LTBP4: variants seen among roughly 807,000 people sequenced by gnomAD.
LTBP4 encodes latent transforming growth factor beta binding protein 4.
LTBP4 carries 93 observed loss-of-function variants against 180.2 expected under a neutral mutation model. That is an observed-to-expected ratio of 0.52 (90% CI 0.44 to 0.61). The LOEUF (loss-of-function observed/expected upper bound fraction) is 0.61, where lower values mean the gene tolerates loss of function less well. Ranked by LOEUF, LTBP4 falls within the 20% of genes least tolerant of loss-of-function variation. The pLI is 0.00. For missense variants in LTBP4, 2,116 were observed against 2,256.5 expected (o/e 0.94, Z 1.26); for synonymous variants, 947 against 934.5 (o/e 1.01, Z -0.24).
At chr19:40,617,428 G>C (rs2081558215) in intron 21 of LTBP4, among the ~76,000 whole-genome samples, 1 of 152,198 alleles carries the variant, frequency 6.6e-6, no homozygotes. Flanking sequence ...CAGATCACTT[G>C]AAGTCAGGAG....
intron 24 of LTBP4, 34 bp from the exon 25 acceptor site, chr19:40,623,570 C>T: frequency 6.3e-7 from 1 of 1,599,560 alleles, no homozygotes. Flanking sequence ...ACCCATCCAG[C>T]CCGCCCCCAT....
upstream of LTBP4, chr19:40,597,348 C>T: frequency 6.6e-7 from 1 of 1,523,690 alleles, no homozygotes; most frequent in African/African-American, 1.4e-5. Context: ...GCCAGGTCGT[C>T]GAGGTCCCGG....
upstream of LTBP4, chr19:40,599,064 G>A: frequency 1.2e-6 from 1 of 818,358 alleles, no homozygotes; most frequent in Non-Finnish European, 2.1e-6. Flanking sequence ...GGCGTGGGGA[G>A]AAGAACCTCG....
intron 24 of LTBP4, among the ~76,000 whole-genome samples, chr19:40,623,322 G>A (rs1477740139): frequency 6.6e-6 from 1 of 152,040 alleles, no homozygotes; most frequent in Non-Finnish European, 1.5e-5. Context: ...ACAGACACTA[G>A]CCACTACGCC....
chr19:40,621,543 T>C (rs992460434), intron 22 of LTBP4, among the ~76,000 whole-genome samples: 3 of 152,006 alleles, frequency 2.0e-5, no homozygotes, highest in African/African-American at 7.2e-5. Context: ...CTGGCCGCCA[T>C]GTGAAGGTGA....
At position 40,623,697 on chromosome 19, in the gene LTBP4, GCTA is replaced by G; in HGVS notation, c.3658_3660del (p.Tyr1220del). 1.2e-6 allele frequency: 2 copies of G among 1,613,916 alleles called. No homozygotes were observed. The highest frequency in any genetic ancestry group is 1.3e-5 in the African/African-American group (1 of 75,024). On this transcript the variant is annotated inframe_deletion, in exon 25 of 30. Coordinates refer to ENST00000396819, the MANE Select transcript of LTBP4 (RefSeq NM_001042545.2). ...GGCTACTCATGCTATTGCAGCAACG[GCTA>G]CTACTACCACACACAGCGGCTGGAG...
chr19:40,625,288 A>ATT (rs1568414458), intron 26 of LTBP4, among the ~76,000 whole-genome samples: 3 of 6,262 alleles, frequency 4.8e-4, no homozygotes, highest in African/African-American at 2.4e-3. Context: ...ATATATATAT[A>ATT]TATATATATA....
chr19:40,593,499 C>T (rs1367622462), intron 1 of LTBP4, among the ~76,000 whole-genome samples: 1 of 152,090 alleles, frequency 6.6e-6, no homozygotes, highest in Non-Finnish European at 1.5e-5. Flanking sequence ...CTGCCTTAGC[C>T]TCCCAAAGTG....
chr19:40,628,581 C>A (rs2081654437), intron 29 of LTBP4, among the ~76,000 whole-genome samples: 2 of 152,180 alleles, frequency 1.3e-5, no homozygotes, highest in Admixed American at 6.5e-5. Flanking sequence ...TGCTGTGTGA[C>A]GCTGGACAGG....
At chr19:40,614,487 C>T (rs748956210) in intron 19 of LTBP4, 41 bp downstream of exon 19, 1 of 1,582,692 alleles carries the variant, frequency 6.3e-7, no homozygotes, top group Admixed American at 1.7e-5. Flanking sequence ...GCTTGCAACG[C>T]GGTGCTGGAG....
In LTBP4 at chr19:40,617,204, C is replaced by T. The variant is rs372889517; in HGVS notation, c.3049C>T (p.Arg1017Trp). ...CTGTGACCAGGGTTACGAGGGGGCA[C>T]GGGATGGGCGTCACTGCGTGGGTAC... ...CLCDQGYEGARDGRHCVDVNE... is the reference protein window; with the variant it reads ...CLCDQGYEGAWDGRHCVDVNE... Residue 1017 changes from arginine to tryptophan, a missense_variant, in exon 21 of 30, where the codon CGG (arginine) becomes TGG (tryptophan). Physicochemically the swap from Arg to Trp is moderately radical, Grantham distance 101 (BLOSUM62 -3). Transcript: ENST00000396819. The T allele has an allele frequency of 4.2e-5, 67 of 1,612,284 alleles. 1 individual carries two copies. The highest frequency in any genetic ancestry group is 1.6e-4 in the Middle Eastern group (1 of 6,062).
chr19:40,608,650 C>T (rs1290384168), intron 9 of LTBP4, 47 bp downstream of exon 9: 17 of 1,544,592 alleles, frequency 1.1e-5, no homozygotes, highest in African/African-American at 8.2e-5. Flanking sequence ...CAGTGGCTCA[C>T]GCCTGTAATC....
chr19:40,613,491 CT>C lies in LTBP4; in HGVS notation c.2520del (p.Gly841AlafsTer185). 6.3e-7 allele frequency: 1 copy of C among 1,585,524 alleles called. No individual in the cohort carries two copies. Reference sequence around the variant, plus strand: ...GGCTCCTTTGCCTGTACTTGTGCCCCTGGCTACCGACCCGGACCCCGCGGAG... The same window carrying C: ...GGCTCCTTTGCCTGTACTTGTGCCCCGGCTACCGACCCGGACCCCGCGGAG... ...TDGSFACTCAPGYRPGPRGAS... is the reference protein window; with the variant it reads ...TDGSFACTCAXGYRPGPRGAS... On this transcript the variant is annotated frameshift_variant, in exon 17 of 30. Transcript: ENST00000396819. LOFTEE classifies it high-confidence loss of function. The surrounding 1 kb of genome is among the most constrained non-coding windows in gnomAD (Gnocchi z 5.0).
intron 1 of LTBP4, among the ~76,000 whole-genome samples, chr19:40,604,045 C>G (rs537478923): frequency 6.6e-6 from 1 of 152,356 alleles, no homozygotes; most frequent in African/African-American, 2.4e-5. Flanking sequence ...AGCTAGAACT[C>G]TAAAGCCCCA....
At chr19:40,597,231 C>A, upstream of LTBP4, 1 of 1,488,142 alleles carries the variant, frequency 6.7e-7, no homozygotes, top group Non-Finnish European at 8.9e-7. Context: ...CGGCGCCCGA[C>A]ACGATGCCGA....
upstream of LTBP4, chr19:40,599,170 G>A (rs775697323): frequency 2.0e-5 from 32 of 1,587,816 alleles, no homozygotes; most frequent in Non-Finnish European, 2.7e-5. Flanking sequence ...CTAGGGGCCT[G>A]AGTGACTTCC....
In LTBP4 at chr19:40,613,763, C is replaced by A. The variant is rs1267423745; in HGVS notation, c.2558-153C>A. The A allele has an allele frequency of 7.6e-7, 1 of 1,308,040 alleles. No individual in the cohort carries two copies. The highest frequency in any genetic ancestry group is 2.5e-5 in the East Asian group (1 of 40,044). The allele number at this position is 1,308,040 out of a possible 1,614,324, so 81.0% of individuals were successfully genotyped here. A position where few individuals can be genotyped will look rare whatever the true frequency, so the allele number is the denominator to read the frequency against. ...TGTAAAGAAGCTGTTCTAAACCCGT[C>A]GGGGGGCGGTGTTTGCAGGGAGGGA... On this transcript the variant is annotated intron_variant, in intron 17 of 29. Coordinates refer to ENST00000396819, the MANE Select transcript of LTBP4 (RefSeq NM_001042545.2). This position sits in a 1 kb window ranked among gnomAD's most constrained non-coding sequence, Gnocchi z 5.0.
Position 40,614,356 on chromosome 19 carries a change from T to G in LTBP4, c.2722T>G (p.Ser908Ala). The G allele has an allele frequency of 6.3e-7, 1 of 1,599,858 alleles. No individual in the cohort carries two copies. Among genetic ancestry groups the G allele is most frequent in the Non-Finnish European group, 8.5e-7 (1 of 1,179,708 alleles). ...CGAGCGAGGCCCAGCCCTGTGCGGG[T>G]CGCAGCGCTGTGAGAACTCTCCCGG... ...CRERGPALCG[S>A]QRCENSPGSY... The change falls in exon 19 of 30, where the codon TCG (serine) becomes GCG (alanine). Residue 908 changes from serine to alanine, a missense_variant. Ser to Ala is a moderately conservative substitution (Grantham distance 99). Transcript: ENST00000396819.
chr19:40,619,598 G>A (rs1391272055), intron 22 of LTBP4, 105 bp downstream of exon 22: 2 of 1,255,690 alleles, frequency 1.6e-6, no homozygotes, highest in African/African-American at 3.0e-5. Flanking sequence ...AAATACTGTT[G>A]TTTTAAACAT....
Sources: gnomAD v4.1 joint callset for allele counts (sites outside exome capture counted in the v4.1 genomes callset) on GRCh38, gnomAD v4.1.1 for gene constraint, Gnocchi (gnomAD v3.1) non-coding constraint, MANE v1.5 for transcripts, NCBI Gene and HGNC (gene_info 2026-07-23, HGNC 2026-07-21) for gene names.